The following ADGRF3 variants were observed in gnomAD, a reference collection of about 807,000 sequenced individuals.
The protein encoded by ADGRF3 is G protein-coupled receptor 113.
Under a neutral mutation model 93.2 loss-of-function variants are expected in ADGRF3, and 85 were observed. The observed-to-expected ratio is 0.91, with a 90% CI of 0.77 to 1.09. The LOEUF (loss-of-function observed/expected upper bound fraction) is 1.09. Among genes scored for constraint, ADGRF3 ranks in the 50% least tolerant of loss-of-function variants. The pLI is 0.00. For synonymous variants in ADGRF3, 534 were observed against 532.5 expected (o/e 1.00, Z -0.04); for missense variants, 1,125 against 1,246.2 (o/e 0.90, Z 1.46).
Position 26,311,166 on chromosome 2 carries a change from G to A in ADGRF3, c.2358C>T (p.Ala786=). The A allele has an allele frequency of 2.5e-6, 4 of 1,597,154 alleles. No homozygotes were observed. The highest frequency in any genetic ancestry group is 3.4e-6 in the Non-Finnish European group (4 of 1,172,288). The change falls in exon 10 of 14, where the codon GCC becomes GCT. Residue 786 remains alanine (A), a synonymous_variant. Transcript: ENST00000651242. ...AAFLCHFLYL[A]TFFWMLAQAL... ...CCTGCGCCAGCATCCAGAAAAAGGT[G>A]GCCAGGTAGAGGAAATGACAGAGGA...
chr2:26,314,248 A>G (rs994043337), intron 6 of ADGRF3, among the ~76,000 whole-genome samples, 166 bp downstream of exon 6: 3 of 152,202 alleles, frequency 2.0e-5, no homozygotes, highest in Non-Finnish European at 2.9e-5. Context: ...TGTTATGGCA[A>G]TAGACGTGGC....
At chr2:26,310,622 A>C in intron 10 of ADGRF3, 70 bp downstream of exon 10, 32 of 1,476,272 alleles carry the variant, frequency 2.2e-5, no homozygotes, top group Non-Finnish European at 2.6e-5. Flanking sequence ...GGTACCTCCT[A>C]GAGAAGAGAT....
At position 26,317,658 on chromosome 2, in the gene ADGRF3, CA is replaced by C. The variant is rs1674820634; in HGVS notation, c.115-97del. The C allele has an allele frequency of 2.7e-6, 3 of 1,125,504 alleles. No homozygotes were observed. The Admixed American group carries it at 6.1e-5, about 23-fold the overall frequency. The allele number at this position is 1,125,504 out of a possible 1,614,324, so 69.7% of individuals were successfully genotyped here. A position where few individuals can be genotyped will look rare whatever the true frequency, so the allele number is the denominator to read the frequency against. ...TCAGCCAGCATGACTCAGTCTCAAC[CA>C]GCTCTTCTTTTTGCCAGGAGTCAAG... On this transcript the variant is annotated intron_variant, in intron 1 of 13. Transcript: ENST00000651242.
intron 1 of ADGRF3, among the ~76,000 whole-genome samples, chr2:26,335,326 CATA>C (rs1482511370): frequency 3.3e-5 from 5 of 152,214 alleles, no homozygotes; most frequent in Non-Finnish European, 7.3e-5. Flanking sequence ...TTTCACTTCG[CATA>C]ATGTTTTCAA....
chr2:26,316,119 C>A, intron 4 of ADGRF3, 156 bp downstream of exon 4: 2 of 733,146 alleles, frequency 2.7e-6, no homozygotes, highest in South Asian at 1.9e-5. Context: ...AAGCTCAGGG[C>A]CTGTGATCTG....
chr2:26,335,019 T>C (rs1675959724), intron 1 of ADGRF3, among the ~76,000 whole-genome samples: 1 of 152,224 alleles, frequency 6.6e-6, no homozygotes, highest in African/African-American at 2.4e-5. Flanking sequence ...TTCTTTTTAA[T>C]ATAACATTAA....
chr2:26,345,334 G>A (rs1329472404), intron 1 of ADGRF3, among the ~76,000 whole-genome samples: 2 of 152,254 alleles, frequency 1.3e-5, no homozygotes, highest in East Asian at 3.9e-4. Context: ...CTCCAGTTAT[G>A]TAAAACACCT....
chr2:26,332,846 G>A (rs954109175), intron 1 of ADGRF3, among the ~76,000 whole-genome samples: 1 of 152,006 alleles, frequency 6.6e-6, no homozygotes, highest in African/African-American at 2.4e-5. Flanking sequence ...TGAACTCCTG[G>A]TCTCAAGCAA....
At chr2:26,315,867 T>C (rs946155907) in intron 4 of ADGRF3, 127 bp from the exon 5 acceptor site, 1 of 1,401,324 alleles carries the variant, frequency 7.1e-7, no homozygotes, top group African/African-American at 1.4e-5. Flanking sequence ...CTTTTTAACT[T>C]TTTCTTTTTG....
intron 4 of ADGRF3, 78 bp from the exon 5 acceptor site, chr2:26,315,818 C>T: frequency 6.5e-7 from 1 of 1,535,212 alleles, no homozygotes; most frequent in Non-Finnish European, 8.8e-7. Flanking sequence ...TGGCTTCTCC[C>T]CTGACTCTGG....
At position 26,317,028 on chromosome 2, in the gene ADGRF3, T is replaced by G. The variant is rs763997640; in HGVS notation, c.209A>C (p.His70Pro). 16 of 1,612,662 alleles carry G rather than the reference T, an allele frequency of 9.9e-6. No individual in the cohort carries two copies. Among genetic ancestry groups the G allele is most frequent in the Non-Finnish European group, 1.4e-5 (16 of 1,179,454 alleles). Residue 70 changes from histidine to proline, a missense_variant, in exon 3 of 14, where the codon CAT (histidine) becomes CCT (proline). By Grantham distance (77) the His-to-Pro change is moderately conservative. Coordinates refer to ENST00000651242, the MANE Select transcript of ADGRF3 (RefSeq NM_001321971.2). ...GESALVSVYV[H>P]LDFPDKTWPP... ...CCAGGTCTTATCTGGAAAGTCCAGA[T>G]GTACATAGACGGAGACCAGCGCTGA...
intron 1 of ADGRF3, among the ~76,000 whole-genome samples, chr2:26,343,976 G>T (rs2147933283): frequency 6.6e-6 from 1 of 152,302 alleles, no homozygotes; most frequent in South Asian, 2.1e-4. Context: ...TGCTTTTAAA[G>T]AAAATATCAG....
intron 1 of ADGRF3, among the ~76,000 whole-genome samples, chr2:26,336,722 TAAAAAAAAAAAAA>T (rs57691864): frequency 2.3e-4 from 5 of 22,050 alleles, no homozygotes; most frequent in Non-Finnish European, 4.2e-4. Flanking sequence ...TGAGACTCCA[TAAAAAAAAAAAAA>T]AAAAAAAAAA....
intron 1 of ADGRF3, among the ~76,000 whole-genome samples, chr2:26,331,666 G>T (rs762857433): frequency 6.6e-6 from 1 of 152,196 alleles, no homozygotes; most frequent in Non-Finnish European, 1.5e-5. Context: ...AGAGTTTGAG[G>T]CTGCGGTGAG....
At chr2:26,326,498 G>A (rs1675440744) in intron 1 of ADGRF3, among the ~76,000 whole-genome samples, 1 of 152,112 alleles carries the variant, frequency 6.6e-6, no homozygotes, top group African/African-American at 2.4e-5. Context: ...AAACCATGCA[G>A]TAGTGAACTT....
At chr2:26,328,999 G>T (rs1296508972) in intron 1 of ADGRF3, among the ~76,000 whole-genome samples, 2 of 152,224 alleles carry the variant, frequency 1.3e-5, no homozygotes, top group East Asian at 3.8e-4. Flanking sequence ...TTGCAGATGT[G>T]ATTAAATTAT....
At chr2:26,336,315 A>AGTGTGTGTGTGTGTGT (rs71399385) in intron 1 of ADGRF3, among the ~76,000 whole-genome samples, 10,050 of 148,558 alleles carry the variant, frequency 0.068, 383 homozygotes, top group South Asian at 0.12. Context: ...GGAGATCAAG[A>AGTGTGTGTGTGTGTGT]GTGTGTGTGT....
rs763607385 is a variant in ADGRF3 at position 26,313,034 on chromosome 2, G to A, written c.1358C>T (p.Pro453Leu). 1.2e-6 allele frequency: 2 copies of A among 1,613,926 alleles called. No individual in the cohort carries two copies. Among genetic ancestry groups the A allele is most frequent in the African/African-American group, 1.3e-5 (1 of 74,938 alleles). Residue 453 changes from proline to leucine, a missense_variant, in exon 9 of 14, where the codon CCC (proline) becomes CTC (leucine). Transcript: ENST00000651242. ...LPGQAAEASS[P>L]SDLLTLLSTM... ...GCTCAGCAGGGTCAGTAAGTCGGAG[G>A]GTGAACTTGCCTCTGCCGCCTGCCC...
At chr2:26,336,132 G>A (rs1479754231) in intron 1 of ADGRF3, among the ~76,000 whole-genome samples, 3 of 152,152 alleles carry the variant, frequency 2.0e-5, no homozygotes, top group African/African-American at 7.2e-5. Flanking sequence ...AACACAGTGT[G>A]GGGAGCTGGA....
Sources: gnomAD v4.1 joint callset for allele counts (sites outside exome capture counted in the v4.1 genomes callset) on GRCh38, gnomAD v4.1.1 for gene constraint, MANE v1.5 for transcripts, NCBI Gene and HGNC (gene_info 2026-07-23, HGNC 2026-07-21) for gene names.